Variants in CAMK2G observed in about 807,000 individuals in gnomAD.
The protein encoded by CAMK2G is calcium/calmodulin dependent protein kinase II gamma.
A neutral mutation model predicts 88.7 loss-of-function variants in CAMK2G; 23 were observed. The ratio of observed to expected loss-of-function variants is 0.26; its 90% CI spans 0.19 to 0.37. CAMK2G has a LOEUF of 0.37. CAMK2G is among the 10% of genes least tolerant of loss of function. The pLI is 1.00. For missense variants in CAMK2G, 476 were observed against 780.8 expected (o/e 0.61, Z 4.65); for synonymous variants, 263 against 294.8 (o/e 0.89, Z 1.11).
rs201670727 is a variant in CAMK2G, at chr10:73,815,216, G to C, written c.1566C>G (p.Thr522=). 83 of 1,614,184 alleles carry C rather than the reference G, an allele frequency of 5.1e-5. No homozygotes were observed. The highest frequency in any genetic ancestry group is 2.5e-5 in the Non-Finnish European group (29 of 1,179,978). Residue 522 remains threonine (T), a synonymous_variant, in exon 22 of 23, where the codon ACC becomes ACG. Coordinates refer to ENST00000423381, the MANE Select transcript of CAMK2G (RefSeq NM_001367534.1). ...CGTGGACGTGTGGGTTTAGGATGGTGGTATGGATAGGCTTGCTGTTCTTGG... is the reference window on the plus strand; with the variant it reads ...CGTGGACGTGTGGGTTTAGGATGGTCGTATGGATAGGCTTGCTGTTCTTGG... ...LLSKNSKPIH[T]TILNPHVHVI... is the part of the protein sequence containing the mutation.
intron 2 of CAMK2G, among the ~76,000 whole-genome samples, chr10:73,865,251 T>A (rs1007816895): frequency 3.3e-5 from 5 of 152,154 alleles, no homozygotes; most frequent in African/African-American, 1.2e-4. Flanking sequence ...TGTCCCTCCC[T>A]GTTTTGGCGG....
chr10:73,850,979 C>G lies in CAMK2G; in HGVS notation c.341+1275G>C, dbSNP rs538410704. On this transcript the variant is annotated intron_variant, in intron 5 of 22. Coordinates refer to ENST00000423381, the MANE Select transcript of CAMK2G (RefSeq NM_001367534.1). The stretch of plus-strand genomic sequence containing the variant: ...CCAAGCCCACTGGTACAGTCACCCC[C>G]CCTCAGGGCCCCCTCCCTATAGCTC... Among the ~76,000 whole-genome samples, 4 of 152,346 alleles carry G rather than the reference C, an allele frequency of 2.6e-5. No individual in the cohort carries two copies. The South Asian group carries it at 6.2e-4, about 24-fold the overall frequency.
In CAMK2G at chr10:73,815,216, G is replaced by A; in HGVS notation, c.1566C>T (p.Thr522=). The A allele has an allele frequency of 1.2e-6, 2 of 1,614,184 alleles. No homozygotes were observed. The highest frequency in any genetic ancestry group is 2.2e-5 in the South Asian group (2 of 91,090). ...CGTGGACGTGTGGGTTTAGGATGGTGGTATGGATAGGCTTGCTGTTCTTGG... is the reference window on the plus strand; with the variant it reads ...CGTGGACGTGTGGGTTTAGGATGGTAGTATGGATAGGCTTGCTGTTCTTGG... ...LLSKNSKPIH[T]TILNPHVHVI... Residue 522 remains threonine (T), a synonymous_variant, in exon 22 of 23, where the codon ACC becomes ACT. Transcript: ENST00000423381.
In CAMK2G at chr10:73,842,671, T is replaced by C; in HGVS notation, c.820-130A>G. On this transcript the variant is annotated intron_variant, in intron 10 of 22. Coordinates refer to ENST00000423381, the MANE Select transcript of CAMK2G (RefSeq NM_001367534.1). The surrounding 1 kb of genome is among the most constrained non-coding windows in gnomAD (Gnocchi z 4.6). ...CCCCAGAGTTGCTCTGAAGATGAAA[T>C]GAGGTCACAGATGTGAAAACGCTTT... The C allele has an allele frequency of 1.5e-6, 1 of 662,452 alleles. No homozygotes were observed. Among genetic ancestry groups the C allele is most frequent in the Non-Finnish European group, 2.7e-6 (1 of 373,084 alleles). The allele number at this position is 662,452 out of a possible 1,614,324, so 41.0% of individuals were successfully genotyped here.
intron 2 of CAMK2G, among the ~76,000 whole-genome samples, chr10:73,864,532 A>T (rs1270782225): frequency 6.6e-6 from 1 of 152,240 alleles, no homozygotes; most frequent in Non-Finnish European, 1.5e-5. Context: ...TGAGTAGGGC[A>T]GTCCAAGAAA....
intron 15 of CAMK2G, among the ~76,000 whole-genome samples, chr10:73,826,284 T>G (rs910382445): frequency 6.6e-6 from 1 of 151,988 alleles, no homozygotes; most frequent in Non-Finnish European, 1.5e-5. Flanking sequence ...AATACAAAAA[T>G]TAGCCGGGCA....
chr10:73,836,602 CG>C (rs1235240033), intron 14 of CAMK2G, among the ~76,000 whole-genome samples: 1 of 151,606 alleles, frequency 6.6e-6, no homozygotes, highest in Admixed American at 6.6e-5. Context: ...GGGGAGGGAA[CG>C]GGGAGGGAAC....
chr10:73,817,016 C>G lies in CAMK2G; in HGVS notation c.1534+7G>C, dbSNP rs1312883751. ...CAGGAGTATATCAGCAGCACGAACC[C>G]ACTCACGATTCTCAAAGTAAAACTT... On this transcript the variant is annotated splice_region_variant and intron_variant, in intron 21 of 22. Coordinates refer to ENST00000423381, the MANE Select transcript of CAMK2G (RefSeq NM_001367534.1). 6.2e-7 allele frequency: 1 copy of G among 1,614,008 alleles called. No homozygotes were observed. The highest frequency in any genetic ancestry group is 1.3e-5 in the African/African-American group (1 of 74,902).
intron 3 of CAMK2G, among the ~76,000 whole-genome samples, chr10:73,854,756 G>A (rs1208173772): frequency 6.6e-6 from 1 of 152,082 alleles, no homozygotes; most frequent in Non-Finnish European, 1.5e-5. Context: ...CAACCCAGCC[G>A]GCACAGTCCC....
intron 2 of CAMK2G, among the ~76,000 whole-genome samples, chr10:73,866,475 A>C (rs920879233): frequency 3.3e-5 from 5 of 152,046 alleles, no homozygotes; most frequent in South Asian, 4.1e-4. Context: ...TAAAAAAAAA[A>C]CACAAATGCC....
chr10:73,818,708 C>T (rs887922499), intron 19 of CAMK2G: 15 of 455,300 alleles, frequency 3.3e-5, no homozygotes, highest in Admixed American at 1.6e-4. Context: ...GCAAGGAGTT[C>T]GATCGGCTTC....
chr10:73,849,409 G>A (rs2094470123), intron 5 of CAMK2G, 76 bp from the exon 6 acceptor site: 21 of 1,049,474 alleles, frequency 2.0e-5, no homozygotes, highest in Middle Eastern at 2.0e-4. Context: ...ACATGCTGCA[G>A]ACTAAGGCAT....
intron 10 of CAMK2G, among the ~76,000 whole-genome samples, chr10:73,844,639 C>T (rs1295607510): frequency 6.6e-6 from 1 of 151,908 alleles, no homozygotes; most frequent in Non-Finnish European, 1.5e-5. Context: ...GAACTCGTGG[C>T]CTCAAGTGAT....
At chr10:73,820,492 A>ATATATATATATTT (rs1554995765) in intron 18 of CAMK2G, among the ~76,000 whole-genome samples, 4 of 51,052 alleles carry the variant, frequency 7.8e-5, no homozygotes, top group African/African-American at 1.8e-4. Context: ...ATATATATAT[A>ATATATATATATTT]TTTTTTTTTT....
intron 5 of CAMK2G, among the ~76,000 whole-genome samples, chr10:73,850,425 C>G (rs915453327): frequency 2.6e-5 from 4 of 152,198 alleles, no homozygotes; most frequent in Non-Finnish European, 4.4e-5. Context: ...GCCGCCCGCC[C>G]CCCCCCACCG....
chr10:73,815,858 A>G, intron 21 of CAMK2G: 1 of 985,668 alleles, frequency 1.0e-6, no homozygotes, highest in Non-Finnish European at 1.2e-6. Flanking sequence ...GATTGCCATT[A>G]TCAGCATATG....
In CAMK2G at chr10:73,853,854, G is replaced by C. The variant is rs530007785; in HGVS notation, c.221-608C>G. On this transcript the variant is annotated intron_variant, in intron 3 of 22. Coordinates refer to ENST00000423381, the MANE Select transcript of CAMK2G (RefSeq NM_001367534.1). ...GGCTCTTGCATACATTACTGATTCTGCAAGCATTTATCAAGCACCTACTAT... is the reference window on the plus strand; with the variant it reads ...GGCTCTTGCATACATTACTGATTCTCCAAGCATTTATCAAGCACCTACTAT... Among the ~76,000 whole-genome samples the C allele has an allele frequency of 2.6e-5, 4 of 152,336 alleles. No individual in the cohort carries two copies. The South Asian group carries it at 8.3e-4, about 32-fold the overall frequency.
intron 5 of CAMK2G, among the ~76,000 whole-genome samples, chr10:73,850,927 A>C (rs2094567585): frequency 6.6e-6 from 1 of 152,166 alleles, no homozygotes; most frequent in Non-Finnish European, 1.5e-5. Context: ...AAATGGCAAA[A>C]GTGCGAAGTG....
chr10:73,834,343 G>T (rs2134051524), intron 14 of CAMK2G, among the ~76,000 whole-genome samples: 1 of 152,282 alleles, frequency 6.6e-6, no homozygotes, highest in South Asian at 2.1e-4. Flanking sequence ...TTGGCCTCTG[G>T]TTCCCACCAT....
Sources: gnomAD v4.1 joint callset for allele counts (sites outside exome capture counted in the v4.1 genomes callset) on GRCh38, gnomAD v4.1.1 for gene constraint, Gnocchi (gnomAD v3.1) non-coding constraint, MANE v1.5 for transcripts, NCBI Gene and HGNC (gene_info 2026-07-23, HGNC 2026-07-21) for gene names.